The following ESRRG variants were observed in gnomAD, a reference collection of about 807,000 sequenced individuals.
ESRRG encodes estrogen related receptor gamma, also known as estrogen-related receptor gamma.
ESRRG carries 13 observed loss-of-function variants against 44.0 expected under a neutral mutation model. The observed-to-expected ratio is 0.30, with a 90% confidence interval of 0.19 to 0.47. The LOEUF is 0.47. Among genes scored for constraint, ESRRG ranks in the 20% least tolerant of loss-of-function variants. The pLI, the probability that ESRRG is intolerant of heterozygous loss-of-function variation, is 1.00. For synonymous variants in ESRRG, 215 were observed against 214.6 expected, an observed-to-expected ratio of 1.00 and a Z score of -0.02; for missense variants, 395 against 580.6, an observed-to-expected ratio of 0.68 and a Z score of 3.29.
intron 2 of ESRRG, among the ~76,000 whole-genome samples, chr1:216,903,428 A>AGTGTGTGT (rs58137897): frequency 2.7e-5 from 4 of 148,198 alleles, no homozygotes; most frequent in African/African-American, 1.0e-4. Context: ...TGTGTGTTCA[A>AGTGTGTGT]GTGTGTGTGT....
At chr1:216,942,558 C>T (rs1471436968) in intron 1 of ESRRG, among the ~76,000 whole-genome samples, 2 of 152,154 alleles carry the variant, frequency 1.3e-5, no homozygotes, top group Non-Finnish European at 2.9e-5. Context: ...CTTTTCTCCA[C>T]AACCCCACAA....
intron 1 of ESRRG, among the ~76,000 whole-genome samples, chr1:217,033,170 G>A (rs564093439): frequency 3.9e-5 from 6 of 152,320 alleles, no homozygotes; most frequent in South Asian, 2.1e-4. Context: ...TGTAGTGGCC[G>A]ATGCCCAGGA....
At chr1:216,970,911 GC>G in intron 1 of ESRRG, among the ~76,000 whole-genome samples, 1 of 152,250 alleles carries the variant, frequency 6.6e-6, no homozygotes. Flanking sequence ...TTATTAATGA[GC>G]CCCTTTTTTT....
chr1:216,640,801 A>G (rs2066259632), intron 3 of ESRRG, among the ~76,000 whole-genome samples: 1 of 152,154 alleles, frequency 6.6e-6, no homozygotes, highest in African/African-American at 2.4e-5. Context: ...TCAATGTCAC[A>G]TTGATATACG....
intron 2 of ESRRG, chr1:216,865,201 A>AAAAAAAAAAAAAAAAAAAAAAAAAAC (rs2096130146): frequency 6.7e-6 from 1 of 148,762 alleles, no homozygotes; most frequent in Non-Finnish European, 1.5e-5. Flanking sequence ...AAAAAAAAAA[A>AAAAAAAAAAAAAAAAAAAAAAAAAAC]AAAAAAAAAA....
At chr1:216,716,402 C>T (rs934445725) in intron 1 of ESRRG, among the ~76,000 whole-genome samples, 7 of 151,858 alleles carry the variant, frequency 4.6e-5, no homozygotes, top group Non-Finnish European at 8.8e-5. Flanking sequence ...GGTAGCTTCC[C>T]TTTTATTTAG....
chr1:216,998,298 G>T (rs1172788538), intron 1 of ESRRG, among the ~76,000 whole-genome samples: 1 of 152,074 alleles, frequency 6.6e-6, no homozygotes, highest in African/African-American at 2.4e-5. Context: ...ACTTCTTAAA[G>T]CTCCAGGAAA....
At chr1:216,578,371 T>C (rs574218837) in intron 3 of ESRRG, among the ~76,000 whole-genome samples, 1 of 152,172 alleles carries the variant, frequency 6.6e-6, no homozygotes, top group African/African-American at 2.4e-5. Flanking sequence ...CAAATATTAT[T>C]TATTCAAACT....
upstream of ESRRG, among the ~76,000 whole-genome samples, chr1:217,094,154 G>A (rs560827417): frequency 2.6e-5 from 4 of 152,140 alleles, no homozygotes; most frequent in East Asian, 7.7e-4. Context: ...AGAGTTGCTG[G>A]GATTACAGGC....
chr1:216,761,459 T>C (rs2092768772), intron 2 of ESRRG, among the ~76,000 whole-genome samples: 1 of 152,020 alleles, frequency 6.6e-6, no homozygotes. Context: ...ATTTGGTGAG[T>C]GCATAAATGA....
At chr1:216,548,567 A>G (rs1237440445) in intron 5 of ESRRG, among the ~76,000 whole-genome samples, 1 of 152,002 alleles carries the variant, frequency 6.6e-6, no homozygotes, top group Non-Finnish European at 1.5e-5. Flanking sequence ...ACACCTTGAC[A>G]CCTTCCCATA....
At chr1:216,805,436 G>T (rs1044104116) in intron 2 of ESRRG, 2 of 152,144 alleles carry the variant, frequency 1.3e-5, no homozygotes, top group Non-Finnish European at 2.9e-5. Flanking sequence ...CTCTTACTTG[G>T]AAAAGAGCTC....
At chr1:216,958,251 T>C (rs1320814406) in intron 1 of ESRRG, among the ~76,000 whole-genome samples, 1 of 152,156 alleles carries the variant, frequency 6.6e-6, no homozygotes, top group Non-Finnish European at 1.5e-5. Context: ...TGCACAAAGC[T>C]TTTTTGTGGA....
intron 5 of ESRRG, among the ~76,000 whole-genome samples, chr1:216,539,197 T>C (rs1427947601): frequency 1.8e-5 from 1 of 55,334 alleles, no homozygotes; most frequent in Admixed American, 2.2e-4. Flanking sequence ...CTGGAGATTT[T>C]ATATATATAT....
chr1:216,585,551 T>C (rs1406435065), intron 3 of ESRRG, among the ~76,000 whole-genome samples: 2 of 152,180 alleles, frequency 1.3e-5, no homozygotes, highest in East Asian at 3.8e-4. Flanking sequence ...TCTAACATCT[T>C]TGAGAAAAAT....
intron 1 of ESRRG, among the ~76,000 whole-genome samples, chr1:217,118,637 T>C (rs1194476961): frequency 6.6e-6 from 1 of 152,040 alleles, no homozygotes; most frequent in Non-Finnish European, 1.5e-5. Context: ...AAAAATACAT[T>C]TTTTGGCCTC....
chr1:216,859,648 T>C (rs1198874187), intron 2 of ESRRG, among the ~76,000 whole-genome samples: 1 of 152,064 alleles, frequency 6.6e-6, no homozygotes, highest in Non-Finnish European at 1.5e-5. Flanking sequence ...CATGGGACAT[T>C]GGGTGGGGTA....
intron 2 of ESRRG, among the ~76,000 whole-genome samples, chr1:216,806,279 T>C (rs538792354): frequency 1.3e-5 from 2 of 152,330 alleles, no homozygotes; most frequent in South Asian, 4.1e-4. Flanking sequence ...AAATTGATTG[T>C]TCCCCTATCA....
At chr1:216,749,615 T>C (rs2091810511) in intron 2 of ESRRG, among the ~76,000 whole-genome samples, 1 of 152,178 alleles carries the variant, frequency 6.6e-6, no homozygotes, top group African/African-American at 2.4e-5. Context: ...AAGTTGTCAT[T>C]CCTGCAGTAA....
Sources: gnomAD v4.1 joint callset for allele counts (sites outside exome capture counted in the v4.1 genomes callset) on GRCh38, gnomAD v4.1.1 for gene constraint, MANE v1.5 for transcripts, NCBI Gene and HGNC (gene_info 2026-07-23, HGNC 2026-07-21) for gene names.